The following ADAMTSL3 variants were observed in gnomAD, a reference collection of about 807,000 sequenced individuals.
The protein encoded by ADAMTSL3 is ADAMTS like 3, also known as ADAMTS-like protein 3.
ADAMTSL3 carries 128 observed loss-of-function variants against 201.7 expected under a neutral mutation model. The observed-to-expected ratio is 0.63, with a 90% CI of 0.55 to 0.73. ADAMTSL3 has a LOEUF of 0.73. Among genes scored for constraint, ADAMTSL3 ranks in the 30% least tolerant of loss-of-function variants. ADAMTSL3 has a pLI of 0.00. For missense variants in ADAMTSL3, 1,990 were observed against 2,119.6 expected (o/e 0.94, Z 1.20); for synonymous variants, 738 against 748.4 (o/e 0.99, Z 0.23).
chr15:83,675,383 G>A (rs1052910609), intron 2 of ADAMTSL3, among the ~76,000 whole-genome samples: 2 of 150,520 alleles, frequency 1.3e-5, no homozygotes, highest in African/African-American at 4.9e-5. Flanking sequence ...ATGATCACAT[G>A]ATTTATCTTT....
chr15:83,699,402 T>A (rs2061736126), intron 2 of ADAMTSL3, among the ~76,000 whole-genome samples: 1 of 152,116 alleles, frequency 6.6e-6, no homozygotes, highest in Non-Finnish European at 1.5e-5. Flanking sequence ...TCCCTTTTCC[T>A]CCCTCATCGG....
At chr15:83,969,738 G>T (rs2067157531) in intron 19 of ADAMTSL3, among the ~76,000 whole-genome samples, 2 of 152,220 alleles carry the variant, frequency 1.3e-5, no homozygotes, top group Admixed American at 1.3e-4. Context: ...TGGGGAAAAT[G>T]GGGAGTTGTT....
chr15:83,710,247 C>T (rs1381060598), intron 3 of ADAMTSL3, among the ~76,000 whole-genome samples: 1 of 152,078 alleles, frequency 6.6e-6, no homozygotes, highest in Non-Finnish European at 1.5e-5. Flanking sequence ...GCTCCTCTGC[C>T]CTTGACTAAT....
chr15:83,925,582 G>C (rs1175638337), intron 17 of ADAMTSL3, among the ~76,000 whole-genome samples: 1 of 152,164 alleles, frequency 6.6e-6, no homozygotes, highest in Non-Finnish European at 1.5e-5. Context: ...TTTTAGGAAG[G>C]TTTGATGTAA....
intron 7 of ADAMTSL3, among the ~76,000 whole-genome samples, chr15:83,839,682 G>T (rs1022845284): frequency 6.6e-6 from 1 of 152,158 alleles, no homozygotes; most frequent in Non-Finnish European, 1.5e-5. Context: ...GAAGGAACAG[G>T]TGGAGAGATC....
chr15:83,801,011 G>A (rs2063506715), intron 4 of ADAMTSL3, among the ~76,000 whole-genome samples: 1 of 152,280 alleles, frequency 6.6e-6, no homozygotes, highest in African/African-American at 2.4e-5. Context: ...CCTTGACCAA[G>A]AGAAAGACTT....
chr15:84,037,505 G>T (rs1172234367), intron 29 of ADAMTSL3, among the ~76,000 whole-genome samples, 195 bp from the exon 30 acceptor site: 1 of 152,198 alleles, frequency 6.6e-6, no homozygotes, highest in African/African-American at 2.4e-5. Flanking sequence ...CCAGAGAGCA[G>T]CAAGAGGTCA....
chr15:83,911,530 A>G (rs886823342), intron 15 of ADAMTSL3, among the ~76,000 whole-genome samples: 1 of 152,216 alleles, frequency 6.6e-6, no homozygotes, highest in Non-Finnish European at 1.5e-5. Context: ...GACACATCAA[A>G]TATTAACTCC....
At chr15:83,718,503 A>T (rs903987415) in intron 3 of ADAMTSL3, among the ~76,000 whole-genome samples, 3 of 152,064 alleles carry the variant, frequency 2.0e-5, no homozygotes, top group Non-Finnish European at 2.9e-5. Flanking sequence ...CAGGAGTTTG[A>T]GACCAGCCTG....
chr15:83,978,199 G>A (rs1258491384), intron 20 of ADAMTSL3, among the ~76,000 whole-genome samples: 1 of 152,230 alleles, frequency 6.6e-6, no homozygotes, highest in African/African-American at 2.4e-5. Context: ...AGCCATGCCA[G>A]GGATATGACT....
intron 3 of ADAMTSL3, among the ~76,000 whole-genome samples, chr15:83,717,908 G>C (rs1224798494): frequency 6.6e-6 from 1 of 152,142 alleles, no homozygotes. Context: ...ACTGCTGTGT[G>C]GGTGATGTGA....
At chr15:83,770,913 A>C (rs1044064625) in intron 3 of ADAMTSL3, among the ~76,000 whole-genome samples, 1 of 152,022 alleles carries the variant, frequency 6.6e-6, no homozygotes, top group African/African-American at 2.4e-5. Context: ...TAAAAATACA[A>C]AAAATTAGCC....
At chr15:83,879,358 C>CTTT (rs1466777029) in intron 9 of ADAMTSL3, among the ~76,000 whole-genome samples, 1 of 152,016 alleles carries the variant, frequency 6.6e-6, no homozygotes, top group African/African-American at 2.4e-5. Context: ...TAATTTTCAT[C>CTTT]TTTTCTCCCT....
At chr15:83,935,396 A>T (rs1312793538) in intron 17 of ADAMTSL3, among the ~76,000 whole-genome samples, 1 of 152,150 alleles carries the variant, frequency 6.6e-6, no homozygotes, top group African/African-American at 2.4e-5. Flanking sequence ...AAAAGAAAAA[A>T]TAAGTGCCTT....
chr15:83,844,259 C>A (rs1274348236), intron 7 of ADAMTSL3, among the ~76,000 whole-genome samples: 1 of 152,226 alleles, frequency 6.6e-6, no homozygotes, highest in Non-Finnish European at 1.5e-5. Flanking sequence ...AACACACACT[C>A]TTCTAATGCA....
intron 7 of ADAMTSL3, among the ~76,000 whole-genome samples, chr15:83,856,396 C>T (rs756063764): frequency 1.3e-5 from 2 of 152,016 alleles, no homozygotes; most frequent in East Asian, 1.9e-4. Flanking sequence ...CGACTGGTCT[C>T]GAACTCCTGG....
At chr15:83,733,156 T>A (rs1368908451) in intron 3 of ADAMTSL3, among the ~76,000 whole-genome samples, 2 of 152,068 alleles carry the variant, frequency 1.3e-5, no homozygotes, top group Non-Finnish European at 2.9e-5. Flanking sequence ...CCTTAAACCC[T>A]CCGAAACAAA....
chr15:83,732,060 C>G (rs965510327), intron 3 of ADAMTSL3, among the ~76,000 whole-genome samples: 1 of 151,934 alleles, frequency 6.6e-6, no homozygotes, highest in African/African-American at 2.4e-5. Context: ...CAAAAGTAAC[C>G]ATGTGAGGAG....
chr15:83,658,349 T>A (rs948896452), intron 2 of ADAMTSL3, among the ~76,000 whole-genome samples: 1 of 152,228 alleles, frequency 6.6e-6, no homozygotes, highest in African/African-American at 2.4e-5. Flanking sequence ...CCTCAAGTGA[T>A]CTGCCCACCT....
Sources: gnomAD v4.1 joint callset for allele counts (sites outside exome capture counted in the v4.1 genomes callset) on GRCh38, gnomAD v4.1.1 for gene constraint, MANE v1.5 for transcripts, NCBI Gene and HGNC (gene_info 2026-07-23, HGNC 2026-07-21) for gene names.